CNKSR3: variants seen among roughly 807,000 people sequenced by gnomAD.
CNKSR3 encodes CNKSR family member 3, also known as connector enhancer of kinase suppressor of ras 3.
CNKSR3 carries 36 observed loss-of-function variants against 67.7 expected under a neutral mutation model. The observed-to-expected ratio is 0.53, with a 90% CI of 0.41 to 0.70. The LOEUF (loss-of-function observed/expected upper bound fraction) is 0.70, where lower values mean the gene tolerates loss of function less well. Among genes scored for constraint, CNKSR3 ranks in the 30% least tolerant of loss-of-function variants. The pLI, the probability that CNKSR3 is intolerant of heterozygous loss-of-function variation, is 0.00. For synonymous variants in CNKSR3, 281 were observed against 271.4 expected (o/e 1.04, Z -0.35); for missense variants, 630 against 695.2 (o/e 0.91, Z 1.05).
intron 1 of CNKSR3, among the ~76,000 whole-genome samples, chr6:154,458,826 G>A (rs1408516116): frequency 6.6e-6 from 1 of 152,062 alleles, no homozygotes; most frequent in South Asian, 2.1e-4. Flanking sequence ...GTCATCCTTC[G>A]AGGTTTGTGG....
chr6:154,442,387 C>T (rs532423224), intron 2 of CNKSR3, 97 bp from the exon 3 acceptor site: 3 of 986,662 alleles, frequency 3.0e-6, no homozygotes, highest in Non-Finnish European at 4.7e-6. Flanking sequence ...CTTTGGGAGG[C>T]TGAAGTGGGC....
At chr6:154,456,305 T>TTTTTG (rs921723568) in intron 1 of CNKSR3, among the ~76,000 whole-genome samples, 6 of 151,998 alleles carry the variant, frequency 3.9e-5, no homozygotes, top group South Asian at 2.1e-4. Flanking sequence ...GTTTTCTGGG[T>TTTTTG]TTTTGTTTTG....
In CNKSR3 at chr6:154,411,108, T is replaced by C; in HGVS notation, c.1105A>G (p.Ser369Gly). 6.2e-7 allele frequency: 1 copy of C among 1,613,748 alleles called. No individual in the cohort carries two copies. Among genetic ancestry groups the C allele is most frequent in the Non-Finnish European group, 8.5e-7 (1 of 1,179,688 alleles). The change falls in exon 11 of 13, where the codon AGT becomes GGT. Residue 369 changes from serine to glycine, a missense_variant. Around this residue, in one of 3 missense-constraint regions of CNKSR3, gnomAD observed 308 missense variants for 299.6 expected, o/e 1.03. Transcript: ENST00000607772. ...CCAGGCAATGGTTGTTTGCACTTAC[T>C]GGACCCTCCATAAACAAAACTGCCA... Reference protein sequence around the residue: ...ENGSFVYGGSSKCKQPLPGPK... With the variant: ...ENGSFVYGGSGKCKQPLPGPK...
intron 4 of CNKSR3, among the ~76,000 whole-genome samples, chr6:154,436,904 A>G (rs1785482274): frequency 6.6e-6 from 1 of 152,224 alleles, no homozygotes; most frequent in Non-Finnish European, 1.5e-5. Flanking sequence ...ATTTCTTAAA[A>G]GAAATGTGCA....
At chr6:154,509,977 G>T (rs1787181317) in intron 1 of CNKSR3, 86 bp downstream of exon 1, 4 of 1,463,312 alleles carry the variant, frequency 2.7e-6, no homozygotes, top group Admixed American at 3.4e-5. Context: ...TCGCCGGGAG[G>T]AAGGGCCAAG....
chr6:154,414,272 A>AT, intron 10 of CNKSR3, 27 bp downstream of exon 10: 1 of 1,550,882 alleles, frequency 6.4e-7, no homozygotes, highest in Non-Finnish European at 8.7e-7. Flanking sequence ...GGAGACAAGC[A>AT]TACCATGACA....
chr6:154,492,251 C>CT (rs1271295941), intron 1 of CNKSR3, among the ~76,000 whole-genome samples: 3 of 152,184 alleles, frequency 2.0e-5, no homozygotes, highest in African/African-American at 7.2e-5. Flanking sequence ...GCAATCCTTG[C>CT]TGGTTGCTCA....
At chr6:154,492,990 T>C (rs909283458) in intron 1 of CNKSR3, among the ~76,000 whole-genome samples, 2 of 151,948 alleles carry the variant, frequency 1.3e-5, no homozygotes, top group Non-Finnish European at 2.9e-5. Flanking sequence ...ACTAGTTCCC[T>C]GATCCCACCC....
rs1217529577 is a variant in CNKSR3, at chr6:154,391,803, C to G, written c.*14551G>C. On this transcript the variant is annotated 3_prime_UTR_variant, in exon 13 of 13. Transcript: ENST00000607772. ...CTGTCACATACCTGTAGCTTCCTTC[C>G]TTTCCCACAATCTTGCTGCCCCGTC... The G allele has an allele frequency of 6.6e-6, 1 of 152,238 alleles. No individual in the cohort carries two copies. Among genetic ancestry groups the G allele is most frequent in the Non-Finnish European group, 1.5e-5 (1 of 68,070 alleles). The allele number at this position is 152,238 out of a possible 1,614,324, so 9.4% of individuals were successfully genotyped here.
intron 1 of CNKSR3, among the ~76,000 whole-genome samples, chr6:154,494,186 A>G (rs749200772): frequency 1.3e-5 from 2 of 152,304 alleles, no homozygotes; most frequent in Admixed American, 6.5e-5. Context: ...GAAACTTACA[A>G]TCGTGGTGGA....
In CNKSR3 at chr6:154,403,192, C is replaced by T. The variant is rs1230358013; in HGVS notation, c.*3162G>A. On this transcript the variant is annotated 3_prime_UTR_variant, in exon 13 of 13. Coordinates refer to ENST00000607772, the MANE Select transcript of CNKSR3 (RefSeq NM_173515.4). ...TTAACAATCACTCTTGTAAAGTATCCTGTCAAGGAGTTCAAGATCAGCCTG... is the reference window on the plus strand; with the variant it reads ...TTAACAATCACTCTTGTAAAGTATCTTGTCAAGGAGTTCAAGATCAGCCTG... 2.0e-5 allele frequency: 3 copies of T among 151,860 alleles called. No homozygotes were observed. Among genetic ancestry groups the T allele is most frequent in the African/African-American group, 7.3e-5 (3 of 41,324 alleles). The allele number at this position is 151,860 out of a possible 1,614,324, so 9.4% of individuals were successfully genotyped here.
chr6:154,442,402 C>G (rs569480723), intron 2 of CNKSR3, 112 bp from the exon 3 acceptor site: 1 of 835,670 alleles, frequency 1.2e-6, no homozygotes, highest in South Asian at 1.6e-5. Flanking sequence ...GTGGGCGGAT[C>G]ACGAGGTCAG....
In CNKSR3 at chr6:154,399,741, G is replaced by A. The variant is rs562688755; in HGVS notation, c.*6613C>T. Reference sequence around the variant, plus strand: ...TAAAAGGACAATTTCTTCCTTCAGAGACAATCTTACTTTATATTAAACTTC... The same window carrying A: ...TAAAAGGACAATTTCTTCCTTCAGAAACAATCTTACTTTATATTAAACTTC... On this transcript the variant is annotated 3_prime_UTR_variant, in exon 13 of 13. Transcript: ENST00000607772. 1.3e-5 allele frequency: 2 copies of A among 152,204 alleles called. No homozygotes were observed. The highest frequency in any genetic ancestry group is 2.1e-4 in the South Asian group (1 of 4,822). The allele number at this position is 152,204 out of a possible 1,614,324, so 9.4% of individuals were successfully genotyped here.
intron 1 of CNKSR3, among the ~76,000 whole-genome samples, chr6:154,451,943 C>A (rs1418456907): frequency 6.6e-6 from 1 of 152,176 alleles, no homozygotes; most frequent in Non-Finnish European, 1.5e-5. Context: ...CTACAGGTGG[C>A]CTTCGTGGCA....
intron 1 of CNKSR3, among the ~76,000 whole-genome samples, chr6:154,506,307 AAGGGGAG>A (rs1434374777): frequency 2.0e-5 from 3 of 152,212 alleles, no homozygotes; most frequent in Non-Finnish European, 4.4e-5. Flanking sequence ...AAAGAGAGGA[AAGGGGAG>A]GAAGGAGGTA....
chr6:154,405,025 G>A lies in CNKSR3; in HGVS notation c.*1329C>T, dbSNP rs1343885041. ...AACAATTCCGGTGGTATGAGAAAGG[G>A]CATTTTGGAGTAGGAGATTTCGGCT... On this transcript the variant is annotated 3_prime_UTR_variant, in exon 13 of 13. Transcript: ENST00000607772. 6.6e-6 allele frequency: 1 copy of A among 152,160 alleles called. No homozygotes were observed. The highest frequency in any genetic ancestry group is 6.5e-5 in the Admixed American group (1 of 15,278). 9.4% of individuals were successfully genotyped at this position (152,160 alleles called of 1,614,324 possible). A position where few individuals can be genotyped will look rare whatever the true frequency, so the allele number is the denominator to read the frequency against.
chr6:154,455,918 T>A (rs764633463), intron 1 of CNKSR3, among the ~76,000 whole-genome samples: 8 of 152,104 alleles, frequency 5.3e-5, no homozygotes, highest in Non-Finnish European at 1.0e-4. Context: ...TAAGAATTTT[T>A]ATTAATTAAT....
chr6:154,483,359 G>A (rs1251661059), intron 1 of CNKSR3, among the ~76,000 whole-genome samples: 1 of 152,144 alleles, frequency 6.6e-6, no homozygotes, highest in Admixed American at 6.6e-5. Flanking sequence ...GGCTGGAGAA[G>A]AGGAACAGTG....
At chr6:154,474,705 A>G (rs1467723667) in intron 1 of CNKSR3, among the ~76,000 whole-genome samples, 2 of 152,156 alleles carry the variant, frequency 1.3e-5, no homozygotes, top group African/African-American at 4.8e-5. Context: ...CATGGGAGAA[A>G]GAAATGGACA....
Sources: gnomAD v4.1 joint callset for allele counts (sites outside exome capture counted in the v4.1 genomes callset) on GRCh38, gnomAD v4.1.1 for gene constraint, gnomAD v4.1.1 regional missense constraint, MANE v1.5 for transcripts, NCBI Gene and HGNC (gene_info 2026-07-23, HGNC 2026-07-21) for gene names.